BAZ1B: variants seen among roughly 807,000 people sequenced by gnomAD.
The protein encoded by BAZ1B is bromodomain adjacent to zinc finger domain 1B.
BAZ1B carries 22 observed loss-of-function variants against 153.8 expected under a neutral mutation model. That is an observed-to-expected ratio of 0.14 (90% CI 0.10 to 0.20). BAZ1B has a LOEUF of 0.20. BAZ1B is among the 10% of genes least tolerant of loss of function. The pLI is 1.00. For synonymous variants in BAZ1B, 676 were observed against 633.4 expected, an observed-to-expected ratio of 1.07 and a Z score of -1.01; for missense variants, 1,325 against 1,799.3, an observed-to-expected ratio of 0.74 and a Z score of 4.77.
At position 73,477,582 on chromosome 7, in the gene BAZ1B, C is replaced by T; in HGVS notation, c.1879G>A (p.Asp627Asn). 1 of 1,614,224 alleles carries T rather than the reference C, an allele frequency of 6.2e-7. No individual in the cohort carries two copies. ...LSCYSGLLLP[D>N]AQYPITAVSL... is the part of the protein sequence containing the mutation. ...ACAGCAGTAATAGGATACTGAGCAT[C>T]TGGTAAAAGTAGCCCAGAATAACAG... Residue 627 changes from aspartate to asparagine, a missense_variant, in exon 7 of 20, where the codon GAT (aspartate) becomes AAT (asparagine). Transcript: ENST00000339594. This position sits in a 1 kb window ranked among gnomAD's most constrained non-coding sequence, Gnocchi z 5.6.
chr7:73,469,523 G>A lies in BAZ1B; in HGVS notation c.2860C>T (p.Pro954Ser), dbSNP rs1380854423. The A allele has an allele frequency of 6.2e-7, 1 of 1,614,172 alleles. No individual in the cohort carries two copies. The highest frequency in any genetic ancestry group is 8.5e-7 in the Non-Finnish European group (1 of 1,180,018). Residue 954 changes from proline (P) to serine (S), a missense_variant, in exon 9 of 20, where the codon CCT becomes TCT. Around this residue, in one of 9 missense-constraint regions of BAZ1B, gnomAD observed 431 missense variants for 563.5 expected, o/e 0.76. Transcript: ENST00000339594. ...GATATACAGATATACTCACTGCGAG[G>A]ACAGTAATCCTCATCACCAGAGACT... is the stretch of plus-strand genomic sequence containing the variant. ...HTVSGDEDYC[P>S]RSKKANLGKN...
At chr7:73,462,698 CA>C (rs1788435538) in intron 12 of BAZ1B, 6 of 533,084 alleles carry the variant, frequency 1.1e-5, no homozygotes, top group Non-Finnish European at 2.0e-5. Context: ...CTTTTCATAC[CA>C]AGGTTGTAAG....
intron 7 of BAZ1B, among the ~76,000 whole-genome samples, chr7:73,473,505 A>G (rs1437786141): frequency 1.3e-5 from 2 of 152,136 alleles, no homozygotes; most frequent in Non-Finnish European, 2.9e-5. Context: ...AGTGAGCCAG[A>G]TCGCACCATT....
chr7:73,458,468 G>C (rs1248152201), intron 13 of BAZ1B, among the ~76,000 whole-genome samples: 43 of 152,214 alleles, frequency 2.8e-4, no homozygotes, highest in Middle Eastern at 3.4e-3. Flanking sequence ...CTGAAGTCAG[G>C]AGTTCGAGAC....
chr7:73,500,880 ACT>A (rs1790100905), intron 3 of BAZ1B, among the ~76,000 whole-genome samples: 1 of 149,006 alleles, frequency 6.7e-6, no homozygotes, highest in Non-Finnish European at 1.5e-5. Flanking sequence ...AACAAGCAAA[ACT>A]CTGTTTATAA....
chr7:73,474,694 G>A (rs1266766599), intron 7 of BAZ1B, among the ~76,000 whole-genome samples: 1 of 152,192 alleles, frequency 6.6e-6, no homozygotes, highest in Non-Finnish European at 1.5e-5. Flanking sequence ...AGAATCACTT[G>A]AACCCAGGAG....
chr7:73,499,432 C>G (rs1341793197), intron 3 of BAZ1B, among the ~76,000 whole-genome samples: 3 of 152,114 alleles, frequency 2.0e-5, no homozygotes, highest in Non-Finnish European at 4.4e-5. Context: ...CCACCTCTAT[C>G]AAAAATCAAC....
intron 3 of BAZ1B, among the ~76,000 whole-genome samples, chr7:73,501,441 C>A (rs1554577134): frequency 1.3e-5 from 2 of 152,154 alleles, no homozygotes; most frequent in African/African-American, 4.8e-5. Flanking sequence ...TTTCCCAGTA[C>A]AGTACAGGGG....
intron 4 of BAZ1B, among the ~76,000 whole-genome samples, chr7:73,493,383 C>T (rs1328919219): frequency 6.6e-6 from 1 of 152,044 alleles, no homozygotes; most frequent in African/African-American, 2.4e-5. Context: ...TCACTTGAAC[C>T]CGGGAGGCAG....
At chr7:73,453,572 A>G (rs1788089872) in intron 13 of BAZ1B, among the ~76,000 whole-genome samples, 1 of 152,232 alleles carries the variant, frequency 6.6e-6, no homozygotes, top group African/African-American at 2.4e-5. Flanking sequence ...AACAAAACCT[A>G]TGTAGTAGTA....
chr7:73,455,093 G>T (rs1381213791), intron 13 of BAZ1B, among the ~76,000 whole-genome samples: 3 of 151,554 alleles, frequency 2.0e-5, no homozygotes, highest in Admixed American at 6.6e-5. Context: ...CACCATGTTG[G>T]CCAGGCTGGT....
intron 1 of BAZ1B, among the ~76,000 whole-genome samples, chr7:73,518,256 A>C (rs1554579638): frequency 6.6e-6 from 1 of 150,970 alleles, no homozygotes; most frequent in African/African-American, 2.4e-5. Context: ...CAAAAAAAAA[A>C]AAAAAAATTA....
intron 12 of BAZ1B, among the ~76,000 whole-genome samples, chr7:73,461,801 A>T (rs1294740570): frequency 4.6e-5 from 7 of 152,222 alleles, no homozygotes; most frequent in African/African-American, 1.7e-4. Context: ...ATAAGAGCAC[A>T]TATGTTGGCT....
At chr7:73,516,466 A>G (rs1790801872) in intron 1 of BAZ1B, among the ~76,000 whole-genome samples, 1 of 152,062 alleles carries the variant, frequency 6.6e-6, no homozygotes, top group South Asian at 2.1e-4. Flanking sequence ...TATTAACTTA[A>G]AATTAATTGC....
intron 13 of BAZ1B, 140 bp from the exon 14 acceptor site, chr7:73,451,134 T>C (rs1788014805): frequency 6.0e-6 from 7 of 1,159,572 alleles, no homozygotes; most frequent in Admixed American, 3.1e-5. Flanking sequence ...TTTATTCTTA[T>C]AAAAGGCTCC....
At chr7:73,456,602 A>G (rs550026942) in intron 13 of BAZ1B, among the ~76,000 whole-genome samples, 5 of 152,304 alleles carry the variant, frequency 3.3e-5, no homozygotes, top group African/African-American at 1.2e-4. Flanking sequence ...AATGAGATAC[A>G]ACTTCATATC....
intron 16 of BAZ1B, among the ~76,000 whole-genome samples, chr7:73,446,027 C>T (rs573012892): frequency 5.3e-5 from 8 of 152,142 alleles, no homozygotes; most frequent in African/African-American, 1.2e-4. Context: ...AGAGCCCATA[C>T]GTATGTGAGA....
Position 73,498,478 on chromosome 7 carries a change from A to C in BAZ1B, c.571+19T>G. On this transcript the variant is annotated intron_variant, in intron 4 of 19. Transcript: ENST00000339594. ...ACAGGATCTCATAAAACACTAAGGA[A>C]AGCTAATATCAAACATACTAATACT... The C allele has an allele frequency of 6.2e-7, 1 of 1,601,072 alleles. No individual in the cohort carries two copies. Among genetic ancestry groups the C allele is most frequent in the African/African-American group, 1.3e-5 (1 of 74,754 alleles).
At chr7:73,473,461 C>T (rs577884760) in intron 7 of BAZ1B, among the ~76,000 whole-genome samples, 26 of 152,042 alleles carry the variant, frequency 1.7e-4, no homozygotes, top group Admixed American at 7.9e-4. Flanking sequence ...GGCTGAGGCA[C>T]GAGAATAGCT....
Sources: gnomAD v4.1 joint callset for allele counts (sites outside exome capture counted in the v4.1 genomes callset) on GRCh38, gnomAD v4.1.1 for gene constraint, gnomAD v4.1.1 regional missense constraint, Gnocchi (gnomAD v3.1) non-coding constraint, MANE v1.5 for transcripts, NCBI Gene and HGNC (gene_info 2026-07-23, HGNC 2026-07-21) for gene names.